TMEM178B: variants seen among roughly 807,000 people sequenced by gnomAD.
TMEM178B encodes the protein transmembrane protein 178B.
In TMEM178B, 5 loss-of-function variants were observed where a neutral mutation model predicts 31.0. The observed-to-expected ratio is 0.16, with a 90% CI of 0.08 to 0.34. The LOEUF (loss-of-function observed/expected upper bound fraction) is 0.34. TMEM178B is among the 10% of genes least tolerant of loss of function. The pLI, the probability that TMEM178B is intolerant of heterozygous loss-of-function variation, is 1.00. For missense variants in TMEM178B, 275 were observed against 400.3 expected, an observed-to-expected ratio of 0.69 and a Z score of 2.67; for synonymous variants, 164 against 164.0, an observed-to-expected ratio of 1.00 and a Z score of 0.00.
Position 141,347,354 on chromosome 7 carries a change from T to G in TMEM178B, c.497-90254T>G, listed in dbSNP as rs375893992. Among the ~76,000 whole-genome samples the G allele has an allele frequency of 5.3e-5, 8 of 152,048 alleles. No homozygotes were observed. In the East Asian group the frequency reaches 1.5e-3, roughly 29 times the overall value. ...TGATATTGTATGCAGACTCTAAAGTTAGGGTGTAAGATCAATCATTCCCTT... is the reference window on the plus strand; with the variant it reads ...TGATATTGTATGCAGACTCTAAAGTGAGGGTGTAAGATCAATCATTCCCTT... On this transcript the variant is annotated intron_variant, in intron 2 of 3. Transcript: ENST00000565468.
intron 2 of TMEM178B, among the ~76,000 whole-genome samples, chr7:141,327,703 A>G (rs1799217864): frequency 6.6e-6 from 1 of 152,216 alleles, no homozygotes; most frequent in African/African-American, 2.4e-5. Context: ...TGTTTAGGTC[A>G]TAAAGGCTCT....
At chr7:141,508,932 G>C in the TMEM178B span, among the ~76,000 whole-genome samples, 1 of 152,192 alleles carries the variant, frequency 6.6e-6, no homozygotes, top group Non-Finnish European at 1.5e-5. Context: ...GTGGGACAAT[G>C]GCAAGTGATG....
intron 2 of TMEM178B, among the ~76,000 whole-genome samples, chr7:141,302,260 A>C (rs1382073612): frequency 6.6e-6 from 1 of 152,248 alleles, no homozygotes; most frequent in East Asian, 1.9e-4. Context: ...AGTCTTAAAA[A>C]GGAAGGAAAT....
At chr7:141,303,922 T>G (rs1389344007) in intron 2 of TMEM178B, among the ~76,000 whole-genome samples, 1 of 152,184 alleles carries the variant, frequency 6.6e-6, no homozygotes, top group Non-Finnish European at 1.5e-5. Context: ...GACGTATGGG[T>G]GTCATTGTCT....
At chr7:141,312,748 C>G (rs1004443900) in intron 2 of TMEM178B, among the ~76,000 whole-genome samples, 5 of 152,206 alleles carry the variant, frequency 3.3e-5, no homozygotes, top group Non-Finnish European at 5.9e-5. Flanking sequence ...GAATTGAAAT[C>G]CTCTGCTGGT....
chr7:141,404,337 A>ACAAT (rs1454437069), intron 2 of TMEM178B, among the ~76,000 whole-genome samples: 2 of 152,112 alleles, frequency 1.3e-5, no homozygotes, highest in African/African-American at 4.8e-5. Context: ...AAACAAACAA[A>ACAAT]CAAAAACAAC....
chr7:141,233,427 A>T (rs886405412), intron 2 of TMEM178B, among the ~76,000 whole-genome samples: 3 of 152,120 alleles, frequency 2.0e-5, no homozygotes, highest in Admixed American at 2.0e-4. Context: ...CTGAGAATAA[A>T]TTTTCTCCAT....
chr7:141,124,228 G>A (rs1400778145), intron 1 of TMEM178B, among the ~76,000 whole-genome samples: 5 of 152,224 alleles, frequency 3.3e-5, no homozygotes, highest in Admixed American at 6.5e-5. Context: ...TTAGTCAGGC[G>A]TGGTGGTGTG....
At position 141,126,889 on chromosome 7, in the gene TMEM178B, G is replaced by C. The variant is rs551666400; in HGVS notation, c.382+52197G>C. 2.5e-3 allele frequency among the ~76,000 whole-genome samples: 375 copies of C among 149,912 alleles called. 2 individuals are homozygous for C. Among genetic ancestry groups the C allele is most frequent in the African/African-American group, 8.9e-3 (356 of 39,970 alleles). On this transcript the variant is annotated intron_variant, in intron 1 of 3. Coordinates refer to ENST00000565468, the MANE Select transcript of TMEM178B (RefSeq NM_001195278.2). The stretch of plus-strand genomic sequence containing the variant: ...TGTGTGTGTGTGTGTGTGTGTGTGT[G>C]TGTATGTGTGTTGAGGAGTGGGCAG...
intron 2 of TMEM178B, among the ~76,000 whole-genome samples, chr7:141,277,427 C>T (rs1341867981): frequency 6.6e-6 from 1 of 152,210 alleles, no homozygotes; most frequent in Non-Finnish European, 1.5e-5. Context: ...TCTTGTCCCA[C>T]TGGAAGGTCT....
At chr7:141,367,983 C>T (rs529970262) in intron 2 of TMEM178B, among the ~76,000 whole-genome samples, 2 of 152,140 alleles carry the variant, frequency 1.3e-5, no homozygotes, top group Non-Finnish European at 2.9e-5. Flanking sequence ...GAGAAGGAGG[C>T]AGAGGCCATG....
At chr7:141,462,602 T>A (rs370674756) in intron 3 of TMEM178B, among the ~76,000 whole-genome samples, 1 of 151,824 alleles carries the variant, frequency 6.6e-6, no homozygotes, top group African/African-American at 2.4e-5. Flanking sequence ...GAGGAAGGTG[T>A]CAGGTAGCCA....
intron 2 of TMEM178B, among the ~76,000 whole-genome samples, chr7:141,280,078 TAAAG>T (rs1161470117): frequency 2.0e-5 from 3 of 152,100 alleles, no homozygotes; most frequent in East Asian, 1.9e-4. Context: ...AAAAAGGAAA[TAAAG>T]AGAGGTGCCG....
intron 2 of TMEM178B, among the ~76,000 whole-genome samples, chr7:141,304,985 G>A (rs1248366864): frequency 6.6e-6 from 1 of 152,144 alleles, no homozygotes; most frequent in Non-Finnish European, 1.5e-5. Context: ...TTTTTCAACA[G>A]ACAAGCAGAA....
chr7:141,134,505 G>A (rs1243200515), intron 1 of TMEM178B, among the ~76,000 whole-genome samples: 1 of 152,148 alleles, frequency 6.6e-6, no homozygotes, highest in African/African-American at 2.4e-5. Flanking sequence ...ACACACAAAA[G>A]TATGAAAGCA....
intron 2 of TMEM178B, among the ~76,000 whole-genome samples, chr7:141,267,387 A>G (rs1798110435): frequency 6.6e-6 from 1 of 152,180 alleles, no homozygotes. Context: ...GACATTGCCT[A>G]ATTTAAAACA....
At chr7:141,185,122 C>T (rs987465002) in intron 1 of TMEM178B, among the ~76,000 whole-genome samples, 15 of 152,314 alleles carry the variant, frequency 9.8e-5, no homozygotes, top group Admixed American at 9.1e-4. Flanking sequence ...GGCTGTGGGG[C>T]TCCAACCCCA....
chr7:141,240,996 CTTT>C (rs11285589), intron 2 of TMEM178B, among the ~76,000 whole-genome samples: 51 of 144,296 alleles, frequency 3.5e-4, no homozygotes, highest in African/African-American at 7.7e-4. Context: ...TCTGGGATCC[CTTT>C]TTTTTTTTTT....
At chr7:141,302,533 G>A (rs972120945) in intron 2 of TMEM178B, among the ~76,000 whole-genome samples, 1 of 152,188 alleles carries the variant, frequency 6.6e-6, no homozygotes. Context: ...TGGGTACAGA[G>A]TTTCAGTTTG....
Sources: allele counts gnomAD v4.1 joint callset (sites outside exome capture counted in the v4.1 genomes callset), GRCh38; gene constraint gnomAD v4.1.1; transcripts MANE v1.5; gene names NCBI Gene and HGNC (gene_info 2026-07-23, HGNC 2026-07-21).